The following TTLL5 variants were observed in gnomAD, a reference collection of about 807,000 sequenced individuals.
TTLL5 encodes the protein tubulin polyglutamylase TTLL5.
In TTLL5, 132 loss-of-function variants were observed where a neutral mutation model predicts 168.4. The ratio of observed to expected loss-of-function variants is 0.78; its 90% CI spans 0.68 to 0.91. The LOEUF (loss-of-function observed/expected upper bound fraction) is 0.91. TTLL5 is among the 40% of genes least tolerant of loss of function. TTLL5 has a pLI of 0.00. For synonymous variants in TTLL5, 546 were observed against 558.6 expected (o/e 0.98, Z 0.32); for missense variants, 1,545 against 1,581.5 (o/e 0.98, Z 0.39).
chr14:75,681,674 A>G (rs762611824), intron 4 of TTLL5, 47 bp downstream of exon 4: 1 of 1,549,016 alleles, frequency 6.5e-7, no homozygotes, highest in South Asian at 1.1e-5. Context: ...TAAGCTGAAA[A>G]TCCCAGCCAC....
chr14:75,905,317 A>T (rs954182655), intron 31 of TTLL5, among the ~76,000 whole-genome samples: 6 of 152,158 alleles, frequency 3.9e-5, no homozygotes, highest in Admixed American at 1.3e-4. Context: ...TTCTTCCTGT[A>T]AGTCTTGCCT....
chr14:75,764,669 C>G lies in TTLL5; in HGVS notation c.1605C>G (p.Ala535=), dbSNP rs1443267877. The change falls in exon 19 of 32, where the codon GCC becomes GCG. Residue 535 remains alanine (A), a synonymous_variant. Coordinates refer to ENST00000298832, the MANE Select transcript of TTLL5 (RefSeq NM_015072.5). ...AGATAGAGAGTCTGAATTCAAAGGC[C>G]AAGCTGCATGCTGCACTTTACGAGA... ...ELKIESLNSK[A]KLHAALYERK... is the part of the protein sequence containing the mutation. 6.2e-7 allele frequency: 1 copy of G among 1,614,104 alleles called. No individual in the cohort carries two copies. The highest frequency in any genetic ancestry group is 2.2e-5 in the East Asian group (1 of 44,886).
intron 29 of TTLL5, among the ~76,000 whole-genome samples, chr14:75,877,148 C>T (rs2031539882): frequency 6.6e-6 from 1 of 152,136 alleles, no homozygotes; most frequent in African/African-American, 2.4e-5. Context: ...TAGCGTTTGC[C>T]TACTTTATCC....
chr14:75,686,408 A>ATCAT (rs1227866189), intron 5 of TTLL5, among the ~76,000 whole-genome samples: 5 of 152,156 alleles, frequency 3.3e-5, no homozygotes, highest in African/African-American at 1.2e-4. Flanking sequence ...CTGTAATAGG[A>ATCAT]TCATTATACT....
chr14:75,716,894 C>G (rs1887506831), intron 9 of TTLL5, among the ~76,000 whole-genome samples: 1 of 152,140 alleles, frequency 6.6e-6, no homozygotes, highest in African/African-American at 2.4e-5. Flanking sequence ...ATGTTTAATT[C>G]CTCTTTTGCC....
chr14:75,730,133 A>G (rs1020778363), intron 12 of TTLL5, among the ~76,000 whole-genome samples: 2 of 152,216 alleles, frequency 1.3e-5, no homozygotes, highest in Admixed American at 1.3e-4. Context: ...CAATGAAGAG[A>G]ATATTCTTTT....
chr14:75,707,540 GT>G (rs1269151673), intron 8 of TTLL5, 82 bp from the exon 9 acceptor site: 1 of 1,221,146 alleles, frequency 8.2e-7, no homozygotes, highest in Non-Finnish European at 1.2e-6. Context: ...TTTCTTTCAT[GT>G]TTCTTGGTTT....
intron 14 of TTLL5, among the ~76,000 whole-genome samples, chr14:75,734,537 GT>G (rs1032651579): frequency 1.3e-5 from 2 of 151,186 alleles, no homozygotes; most frequent in African/African-American, 4.9e-5. Context: ...GGGCTTGTTG[GT>G]TTTTTTTTAG....
intron 7 of TTLL5, among the ~76,000 whole-genome samples, chr14:75,704,410 G>A (rs762266934): frequency 2.6e-5 from 4 of 152,056 alleles, no homozygotes; most frequent in African/African-American, 4.8e-5. Flanking sequence ...ATGGTGGTAC[G>A]TGTCTGTAAT....
chr14:75,711,529 TAAAAC>T (rs1191877896), intron 9 of TTLL5: 1 of 152,064 alleles, frequency 6.6e-6, no homozygotes, highest in African/African-American at 2.4e-5. Flanking sequence ...TCAAAAAAAT[TAAAAC>T]AAAATGGAGT....
chr14:75,803,997 C>G (rs1044429427), intron 27 of TTLL5, among the ~76,000 whole-genome samples: 1 of 152,164 alleles, frequency 6.6e-6, no homozygotes, highest in Non-Finnish European at 1.5e-5. Flanking sequence ...GGAGTTTAAT[C>G]AAAGGGATAA....
chr14:75,866,541 T>C (rs1007461899), intron 29 of TTLL5, among the ~76,000 whole-genome samples: 1 of 152,262 alleles, frequency 6.6e-6, no homozygotes, highest in African/African-American at 2.4e-5. Context: ...TATCATATTA[T>C]GTTTATGAAC....
At chr14:75,949,210 C>G (rs949273248) in intron 31 of TTLL5, among the ~76,000 whole-genome samples, 2 of 151,820 alleles carry the variant, frequency 1.3e-5, no homozygotes, top group African/African-American at 4.8e-5. Flanking sequence ...ACAGGTAGAA[C>G]ATGTGATTAC....
intron 17 of TTLL5, among the ~76,000 whole-genome samples, chr14:75,749,433 A>G (rs1330336511): frequency 6.6e-6 from 1 of 152,184 alleles, no homozygotes; most frequent in Admixed American, 6.6e-5. Flanking sequence ...GATAAAGTCT[A>G]GGTTGGGGGA....
rs756489973 is a variant in TTLL5 at position 75,669,498 on chromosome 14, G to T, written c.157G>T (p.Asp53Tyr). Reference protein sequence around the residue: ...VFHADAILTKDNNIRVIGERY... With the variant: ...VFHADAILTKYNNIRVIGERY... ...CCATGCCGACGCTATTCTTACAAAG[G>T]ACAACAATATTAGAGTAATTGGAGG... Residue 53 changes from aspartate (D) to tyrosine (Y), a missense_variant, in exon 3 of 32, where the codon GAC becomes TAC. Asp to Tyr is a radical substitution (Grantham distance 160). Transcript: ENST00000298832. 4.8e-5 allele frequency: 78 copies of T among 1,613,980 alleles called. No individual in the cohort carries two copies. The highest frequency in any genetic ancestry group is 6.5e-5 in the Non-Finnish European group (77 of 1,179,952).
chr14:75,697,419 G>A (rs1018211480), intron 6 of TTLL5, among the ~76,000 whole-genome samples: 6 of 152,226 alleles, frequency 3.9e-5, no homozygotes, highest in South Asian at 2.1e-4. Context: ...AATTCTGTGC[G>A]GCACATTAAA....
At chr14:75,860,949 T>A (rs1333371878) in intron 28 of TTLL5, among the ~76,000 whole-genome samples, 1 of 152,230 alleles carries the variant, frequency 6.6e-6, no homozygotes, top group Non-Finnish European at 1.5e-5. Flanking sequence ...ATTTCACTAA[T>A]GTATTGAAGT....
intron 26 of TTLL5, among the ~76,000 whole-genome samples, chr14:75,784,936 G>A (rs1892276248): frequency 6.6e-6 from 1 of 151,920 alleles, no homozygotes; most frequent in African/African-American, 2.4e-5. Context: ...AAATTCATAT[G>A]TTTTCCTTTT....
At chr14:75,809,716 C>T (rs1397327591) in intron 27 of TTLL5, among the ~76,000 whole-genome samples, 1 of 152,128 alleles carries the variant, frequency 6.6e-6, no homozygotes, top group Non-Finnish European at 1.5e-5. Flanking sequence ...TATCTCTTCT[C>T]CTTCCCCTTT....
Sources: allele counts gnomAD v4.1 joint callset (sites outside exome capture counted in the v4.1 genomes callset), GRCh38; gene constraint gnomAD v4.1.1; transcripts MANE v1.5; gene names NCBI Gene and HGNC (gene_info 2026-07-23, HGNC 2026-07-21).